EPHA6: variants seen among roughly 807,000 people sequenced by gnomAD.
EPHA6 encodes EPH receptor A6.
In EPHA6, 50 loss-of-function variants were observed where a neutral mutation model predicts 112.0. The ratio of observed to expected loss-of-function variants is 0.45; its 90% CI spans 0.36 to 0.56. EPHA6 has a LOEUF of 0.56. Among genes scored for constraint, EPHA6 ranks in the 20% least tolerant of loss-of-function variants. The probability of loss-of-function intolerance (pLI) is 0.00; values close to 1 mark genes in which losing one functional copy is unlikely to be tolerated. For missense variants in EPHA6, 1,280 were observed against 1,417.4 expected (o/e 0.90, Z 1.56); for synonymous variants, 529 against 490.7 (o/e 1.08, Z -1.03).
intron 3 of EPHA6, among the ~76,000 whole-genome samples, chr3:97,109,650 A>C (rs1338092708): frequency 6.6e-6 from 1 of 152,174 alleles, no homozygotes; most frequent in Non-Finnish European, 1.5e-5. Context: ...CACGGTGAGA[A>C]GCACAAAACT....
chr3:96,965,589 CA>C (rs2042096058), intron 2 of EPHA6, among the ~76,000 whole-genome samples: 2 of 152,126 alleles, frequency 1.3e-5, no homozygotes, highest in African/African-American at 4.8e-5. Context: ...ATTAATGCTG[CA>C]AATAACATAT....
chr3:97,266,506 G>A (rs2079689878), intron 5 of EPHA6, among the ~76,000 whole-genome samples: 1 of 149,552 alleles, frequency 6.7e-6, no homozygotes, highest in South Asian at 2.1e-4. Context: ...ATAAAATCGG[G>A]CTTAAAAAAA....
intron 11 of EPHA6, among the ~76,000 whole-genome samples, chr3:97,583,329 G>A (rs2093456840): frequency 1.3e-5 from 2 of 152,034 alleles, no homozygotes; most frequent in South Asian, 2.1e-4. Context: ...CACAAAGTCA[G>A]GAGATCGAGA....
rs1450007363 is a variant in EPHA6 at position 97,316,223 on chromosome 3, C to T, written c.1606+71936C>T. Among the ~76,000 whole-genome samples the T allele has an allele frequency of 1.8e-4, 28 of 151,800 alleles. 1 individual carries two copies. Among genetic ancestry groups the T allele is most frequent in the Admixed American group, 1.8e-3 (28 of 15,200 alleles). On this transcript the variant is annotated intron_variant, in intron 5 of 17. Coordinates refer to ENST00000389672, the MANE Select transcript of EPHA6 (RefSeq NM_001080448.3). ...GCTATTTCACTTAAACCAAAACAGA[C>T]AGATCAAGAATTACACAATAATTGG...
intron 10 of EPHA6, among the ~76,000 whole-genome samples, chr3:97,491,356 G>T (rs111780784): frequency 9.9e-5 from 15 of 152,278 alleles, no homozygotes; most frequent in African/African-American, 3.6e-4. Context: ...AGATATCAAA[G>T]ATGAGTCTTA....
intron 2 of EPHA6, among the ~76,000 whole-genome samples, chr3:96,962,085 T>G (rs1302502843): frequency 6.6e-6 from 1 of 152,116 alleles, no homozygotes; most frequent in Admixed American, 6.5e-5. Context: ...TCTAGGGATG[T>G]TGATTCCTCA....
At chr3:97,542,137 A>G (rs988901140) in intron 11 of EPHA6, among the ~76,000 whole-genome samples, 4 of 151,566 alleles carry the variant, frequency 2.6e-5, no homozygotes, top group African/African-American at 4.8e-5. Flanking sequence ...ACATGTGCAC[A>G]ATGTGCACCT....
At chr3:97,427,794 T>G (rs538941944) in intron 6 of EPHA6, among the ~76,000 whole-genome samples, 1 of 151,658 alleles carries the variant, frequency 6.6e-6, no homozygotes. Context: ...TCAAGGGCAT[T>G]ATCCTAAGCC....
intron 13 of EPHA6, among the ~76,000 whole-genome samples, chr3:97,620,963 C>T (rs2093809087): frequency 6.6e-6 from 1 of 151,982 alleles, no homozygotes; most frequent in Non-Finnish European, 1.5e-5. Flanking sequence ...CACACGCATG[C>T]ATATATTCAT....
chr3:97,143,981 C>T (rs1192110851), intron 3 of EPHA6, among the ~76,000 whole-genome samples: 2 of 151,654 alleles, frequency 1.3e-5, no homozygotes, highest in African/African-American at 4.8e-5. Flanking sequence ...GCTAGACAGA[C>T]GTCCTGGCAG....
At chr3:97,655,149 T>G (rs2094130453) in intron 14 of EPHA6, among the ~76,000 whole-genome samples, 1 of 149,086 alleles carries the variant, frequency 6.7e-6, no homozygotes, top group African/African-American at 2.4e-5. Flanking sequence ...TACATATATA[T>G]GTTTTTTGTG....
chr3:96,844,161 C>A (rs2873641), intron 1 of EPHA6, among the ~76,000 whole-genome samples: 140,960 of 151,970 alleles, frequency 0.93, 65,472 homozygotes, highest in East Asian at 1. Flanking sequence ...GTGTTAGGTT[C>A]ATCTTAAATG....
intron 7 of EPHA6, among the ~76,000 whole-genome samples, chr3:97,471,275 C>A (rs138207568): frequency 0.017 from 2,641 of 151,804 alleles, 38 homozygotes; most frequent in Middle Eastern, 0.054. Flanking sequence ...TCAGCTCACT[C>A]ACTGCCAGAG....
At chr3:97,587,425 A>G (rs1263009974) in intron 11 of EPHA6, among the ~76,000 whole-genome samples, 5 of 152,336 alleles carry the variant, frequency 3.3e-5, no homozygotes, top group African/African-American at 4.8e-5. Flanking sequence ...ATTATAAAAC[A>G]TACAAAATAT....
At chr3:96,982,586 C>G (rs910841483) in intron 2 of EPHA6, among the ~76,000 whole-genome samples, 1 of 152,110 alleles carries the variant, frequency 6.6e-6, no homozygotes, top group African/African-American at 2.4e-5. Flanking sequence ...TGGTGCAGAG[C>G]TGAGTTCAAT....
intron 3 of EPHA6, among the ~76,000 whole-genome samples, chr3:97,176,403 T>C (rs2076835948): frequency 6.6e-6 from 1 of 151,878 alleles, no homozygotes; most frequent in African/African-American, 2.4e-5. Flanking sequence ...GGGATAATAC[T>C]GGGCTCATAG....
At chr3:97,669,662 C>T (rs2030583763) in intron 14 of EPHA6, among the ~76,000 whole-genome samples, 1 of 151,392 alleles carries the variant, frequency 6.6e-6, no homozygotes, top group Admixed American at 6.6e-5. Context: ...TTTTAACAGA[C>T]ACCCCCCACT....
chr3:97,698,106 A>C (rs1334844900), intron 14 of EPHA6, among the ~76,000 whole-genome samples: 1 of 152,018 alleles, frequency 6.6e-6, no homozygotes, highest in Non-Finnish European at 1.5e-5. Flanking sequence ...GGGTTCAAGC[A>C]ATTCTCCTGC....
intron 2 of EPHA6, among the ~76,000 whole-genome samples, chr3:96,913,369 CA>C (rs11395372): frequency 6.9e-4 from 100 of 145,490 alleles, no homozygotes; most frequent in South Asian, 1.5e-3. Context: ...GACCCTCTCT[CA>C]AAAAAAAAAA....
Sources: allele counts gnomAD v4.1 joint callset (sites outside exome capture counted in the v4.1 genomes callset), GRCh38; gene constraint gnomAD v4.1.1; transcripts MANE v1.5; gene names NCBI Gene and HGNC (gene_info 2026-07-23, HGNC 2026-07-21).